The following MUC4 variants were observed in gnomAD, a reference collection of about 807,000 sequenced individuals.
The protein encoded by MUC4 is mucin 4, cell surface associated, also known as mucin-4.
Under a neutral mutation model 257.9 loss-of-function variants are expected in MUC4, and 202 were observed. That is an observed-to-expected ratio of 0.78 (90% CI 0.70 to 0.88). The LOEUF is 0.88. Ranked by LOEUF, MUC4 falls within the 40% of genes least tolerant of loss-of-function variation. MUC4 has a pLI of 0.00. For missense variants in MUC4, 5,976 were observed against 6,513.7 expected, an observed-to-expected ratio of 0.92 and a Z score of 2.84; for synonymous variants, 2,351 against 2,757.1, an observed-to-expected ratio of 0.85 and a Z score of 4.62.
At chr3:195,769,184 C>T (rs1270763295) in intron 6 of MUC4, 32 bp from the exon 7 acceptor site, 1 of 1,611,942 alleles carries the variant, frequency 6.2e-7, no homozygotes, top group South Asian at 1.1e-5. Context: ...CACAGGGATG[C>T]CCGTGAGAGA....
chr3:195,791,338 C>T lies in MUC4; in HGVS notation c.242G>A (p.Ser81Asn). 2.5e-6 allele frequency: 4 copies of T among 1,613,966 alleles called. No homozygotes were observed. Among genetic ancestry groups the T allele is most frequent in the Non-Finnish European group, 3.4e-6 (4 of 1,179,900 alleles). ...TTGAGCTTTGCTGGTGGTCTCCGTG[C>T]TCTTAGTCTGGTGGTTCTGAGATGA... ...SASSQNHQTK[S>N]TETTSKAQTD... Residue 81 changes from serine to asparagine, a missense_variant, in exon 2 of 25, where the codon AGC becomes AAC. This residue lies in a region of MUC4 where 1,583 missense variants were observed against 1,257.4 expected (regional missense o/e 1.26). Transcript: ENST00000463781.
chr3:195,765,638 G>A (rs566934316), intron 8 of MUC4, among the ~76,000 whole-genome samples, 189 bp from the exon 9 acceptor site: 178 of 152,292 alleles, frequency 1.2e-3, no homozygotes, highest in African/African-American at 4.0e-3. Flanking sequence ...TGCTTCTGAC[G>A]ACCAAACGTG....
At chr3:195,773,342 T>C (rs1340705603) in intron 4 of MUC4, among the ~76,000 whole-genome samples, 1 of 122,864 alleles carries the variant, frequency 8.1e-6, no homozygotes, top group Non-Finnish European at 1.7e-5. Context: ...GGCACCCCCC[T>C]CCATCGCTCA....
chr3:195,783,928 G>C lies in MUC4; in HGVS notation c.7652C>G (p.Ser2551Cys). 6.6e-7 allele frequency: 1 copy of C among 1,522,886 alleles called. No individual in the cohort carries two copies. The highest frequency in any genetic ancestry group is 8.8e-7 in the Non-Finnish European group (1 of 1,132,560). The allele number at this position is 1,522,886 out of a possible 1,614,324, so 94.3% of individuals were successfully genotyped here. The stretch of plus-strand genomic sequence containing the variant: ...GGTGGCGTGACCTGTGGATGCTGAG[G>C]AAGGGCTGGTGACATGAAGAGAGGT... Reference protein sequence around the residue: ...HATSLHVTSPSSASTGHATSL... With the variant: ...HATSLHVTSPCSASTGHATSL... The change falls in exon 2 of 25, where the codon TCC (serine) becomes TGC (cysteine). Residue 2551 changes from serine (S) to cysteine (C), a missense_variant. Ser to Cys is a moderately radical substitution (Grantham distance 112). Coordinates refer to ENST00000463781, the MANE Select transcript of MUC4 (RefSeq NM_018406.7).
rs1175655604 is a variant in MUC4, at chr3:195,778,409, G to C, written c.12837C>G (p.Ala4279=). The C allele has an allele frequency of 1.2e-6, 2 of 1,613,086 alleles. No individual in the cohort carries two copies. The highest frequency in any genetic ancestry group is 1.1e-5 in the South Asian group (1 of 91,046). Residue 4279 remains alanine, a synonymous_variant, in exon 3 of 25, where the codon GCC becomes GCG. Transcript: ENST00000463781. ...GGGAGGTTGTGGGGGGTGGTGATGT[G>C]GCTGTGCGTCTCCCACCGTCTGTCT... The part of the protein sequence containing the change: ...SLKTDGGRRT[A]TSPPPTTSQT...
chr3:195,767,465 C>CGT (rs1361961254), intron 7 of MUC4, among the ~76,000 whole-genome samples: 7 of 138,046 alleles, frequency 5.1e-5, no homozygotes, highest in Admixed American at 1.4e-4. Flanking sequence ...ACCAACACTA[C>CGT]CACCACCATC....
At chr3:195,750,795 A>C in intron 23 of MUC4, 94 bp downstream of exon 23, 1 of 1,210,918 alleles carries the variant, frequency 8.3e-7, no homozygotes, top group South Asian at 1.4e-5. Context: ...ACAAACAGAA[A>C]AACTCAATTA....
intron 18 of MUC4, 137 bp from the exon 19 acceptor site, chr3:195,754,509 A>G: frequency 8.7e-7 from 1 of 1,156,022 alleles, no homozygotes; most frequent in East Asian, 2.7e-5. Context: ...CCTGCTGAGC[A>G]CCTTCTTGAC....
intron 1 of MUC4, among the ~76,000 whole-genome samples, chr3:195,807,393 G>A (rs1202054760): frequency 2.0e-5 from 3 of 152,076 alleles, no homozygotes; most frequent in Non-Finnish European, 4.4e-5. Flanking sequence ...TCTTGAACCC[G>A]GGAGGCAGAG....
intron 19 of MUC4, chr3:195,753,869 G>A: frequency 3.5e-6 from 1 of 284,534 alleles, no homozygotes; most frequent in Non-Finnish European, 6.5e-6. Context: ...CCGGTTCTCT[G>A]GCGGCTGCTG....
At position 195,811,714 on chromosome 3, in the gene MUC4, A is replaced by G. The variant is rs780689461; in HGVS notation, c.82+22T>C. On this transcript the variant is annotated intron_variant, in intron 1 of 24. Coordinates refer to ENST00000463781, the MANE Select transcript of MUC4 (RefSeq NM_018406.7). Reference sequence around the variant, plus strand: ...CCAAGTGCTCCCCGCAGCCAGCCTCATCTGCTGTCTCCATCACTTACCTGG... The same window carrying G: ...CCAAGTGCTCCCCGCAGCCAGCCTCGTCTGCTGTCTCCATCACTTACCTGG... 9.3e-6 allele frequency: 15 copies of G among 1,611,608 alleles called. No homozygotes were observed. In the Admixed American group the frequency reaches 2.5e-4, roughly 27 times the overall value.
At chr3:195,805,874 G>A (rs995615962) in intron 1 of MUC4, among the ~76,000 whole-genome samples, 7 of 152,068 alleles carry the variant, frequency 4.6e-5, no homozygotes, top group Admixed American at 6.5e-5. Context: ...CCAGCACTTT[G>A]GGAGGCCAAG....
chr3:195,781,365 G>C lies in MUC4; in HGVS notation c.10215C>G (p.Asp3405Glu). ...GGCTAGTGACAGGAAGAGGCATGGT[G>C]TCACCTGTGGATACTGAGGAAGTGT... is the stretch of plus-strand genomic sequence containing the variant. ...VTNTSSVSTGDTMPLPVTSPS... is the reference protein window; with the variant it reads ...VTNTSSVSTGETMPLPVTSPS... Residue 3405 changes from aspartate (D) to glutamate (E), a missense_variant, in exon 2 of 25, where the codon GAC (aspartate) becomes GAG (glutamate). By Grantham distance (45) the Asp-to-Glu change is conservative (BLOSUM62 2). Around this residue, in one of 44 missense-constraint regions of MUC4, gnomAD observed 297 missense variants for 240.9 expected, o/e 1.23. Coordinates refer to ENST00000463781, the MANE Select transcript of MUC4 (RefSeq NM_018406.7). 1 of 1,486,008 alleles carries C rather than the reference G, an allele frequency of 6.7e-7. No individual in the cohort carries two copies. Among genetic ancestry groups the C allele is most frequent in the Non-Finnish European group, 9.1e-7 (1 of 1,104,708 alleles). 92.1% of individuals were successfully genotyped at this position (1,486,008 alleles called of 1,614,324 possible). A position where few individuals can be genotyped will look rare whatever the true frequency, so the allele number is the denominator to read the frequency against.
In MUC4 at chr3:195,778,438, G is replaced by T; in HGVS notation, c.12808C>A (p.Leu4270Met). The T allele has an allele frequency of 6.2e-7, 1 of 1,612,902 alleles. No individual in the cohort carries two copies. The change falls in exon 3 of 25, where the codon CTG (leucine) becomes ATG (methionine). Residue 4270 changes from leucine to methionine, a missense_variant. Coordinates refer to ENST00000463781, the MANE Select transcript of MUC4 (RefSeq NM_018406.7). Reference protein sequence around the residue: ...METPGMTTPSLKTDGGRRTAT... With the variant: ...METPGMTTPSMKTDGGRRTAT... ...GTGCGTCTCCCACCGTCTGTCTTCAGTGACGGTGTTGTCATTCCTGGACAC... is the reference window on the plus strand; with the variant it reads ...GTGCGTCTCCCACCGTCTGTCTTCATTGACGGTGTTGTCATTCCTGGACAC...
chr3:195,811,915 G>T lies in MUC4; in HGVS notation c.-98C>A. On this transcript the variant is annotated 5_prime_UTR_variant, in exon 1 of 25. Coordinates refer to ENST00000463781, the MANE Select transcript of MUC4 (RefSeq NM_018406.7). ...GTGAGCCCGTCCCCTCAGGCGGCTG[G>T]CCCGAACCAAGTGCGTTTCTCCGAA... 1 of 1,242,390 alleles carries T rather than the reference G, an allele frequency of 8.0e-7. No individual in the cohort carries two copies. The highest frequency in any genetic ancestry group is 1.4e-5 in the South Asian group (1 of 72,342). 77.0% of individuals were successfully genotyped at this position (1,242,390 alleles called of 1,614,324 possible).
In MUC4 at chr3:195,766,737, A is replaced by G; in HGVS notation, c.13544T>C (p.Phe4515Ser). The change falls in exon 8 of 25, where the codon TTC (phenylalanine) becomes TCC (serine). Residue 4515 changes from phenylalanine (F) to serine (S), a missense_variant. Phe to Ser is a radical substitution (Grantham distance 155, BLOSUM62 -2). Around this residue, in one of 44 missense-constraint regions of MUC4, gnomAD observed 996 missense variants for 1,137.3 expected, o/e 0.88. Coordinates refer to ENST00000463781, the MANE Select transcript of MUC4 (RefSeq NM_018406.7). ...CTGGGACATCAGTGGGCTGTTTTCG[A>G]AATAGCCATCTCCACTGCAGGAAAG... Reference protein sequence around the residue: ...LMGFSSGDGYFENSPLMSQPV... With the variant: ...LMGFSSGDGYSENSPLMSQPV... 1 of 1,614,130 alleles carries G rather than the reference A, an allele frequency of 6.2e-7. No homozygotes were observed. Among genetic ancestry groups the G allele is most frequent in the Non-Finnish European group, 8.5e-7 (1 of 1,180,014 alleles).
intron 16 of MUC4, 142 bp downstream of exon 16, chr3:195,760,742 A>G: frequency 2.8e-6 from 2 of 704,138 alleles, no homozygotes; most frequent in Non-Finnish European, 4.9e-6. Context: ...GAAGTCTCTG[A>G]AGGGTTTGAG....
At chr3:195,766,830 G>A (rs1051960907) in intron 7 of MUC4, 79 bp from the exon 8 acceptor site, 18 of 1,314,850 alleles carry the variant, frequency 1.4e-5, no homozygotes, top group Admixed American at 1.1e-4. Flanking sequence ...CATTCATCCC[G>A]CTAGCCGGTC....
chr3:195,811,650 G>C, intron 1 of MUC4, 86 bp downstream of exon 1: 7 of 1,115,834 alleles, frequency 6.3e-6, no homozygotes, highest in South Asian at 4.4e-5. Flanking sequence ...CTCTCTCTCT[G>C]TCTCCCCGGA....
Sources: allele counts gnomAD v4.1 joint callset (sites outside exome capture counted in the v4.1 genomes callset), GRCh38; gene constraint gnomAD v4.1.1; regional missense constraint gnomAD v4.1.1; transcripts MANE v1.5; gene names NCBI Gene and HGNC (gene_info 2026-07-23, HGNC 2026-07-21).